KNDC1: variants seen among roughly 807,000 people sequenced by gnomAD.
The protein encoded by KNDC1 is kinase non-catalytic C-lobe domain containing 1.
In KNDC1, 106 loss-of-function variants were observed where a neutral mutation model predicts 172.8. The observed-to-expected ratio is 0.61, with a 90% CI of 0.52 to 0.72. The LOEUF (loss-of-function observed/expected upper bound fraction) is 0.72, where lower values mean the gene tolerates loss of function less well. Among genes scored for constraint, KNDC1 ranks in the 30% least tolerant of loss-of-function variants. The pLI is 0.00. For synonymous variants in KNDC1, 1,083 were observed against 1,062.2 expected, an observed-to-expected ratio of 1.02 and a Z score of -0.38; for missense variants, 2,325 against 2,394.5, an observed-to-expected ratio of 0.97 and a Z score of 0.61.
intron 6 of KNDC1, among the ~76,000 whole-genome samples, chr10:133,187,045 C>T (rs946892870): frequency 2.6e-5 from 4 of 152,236 alleles, no homozygotes; most frequent in African/African-American, 9.6e-5. Context: ...GCTCCGTGTC[C>T]CCAGTCCTGA....
At chr10:133,202,331 G>A (rs761301758) in intron 17 of KNDC1, 6 of 466,950 alleles carry the variant, frequency 1.3e-5, no homozygotes, top group Non-Finnish European at 1.7e-5. Context: ...GGGCCTGGTC[G>A]CTGCAGCCTG....
intron 17 of KNDC1, among the ~76,000 whole-genome samples, chr10:133,204,841 C>T (rs1246266783): frequency 2.0e-5 from 3 of 152,080 alleles, no homozygotes; most frequent in Non-Finnish European, 4.4e-5. Context: ...GCCCTGGGCA[C>T]GTGAACCCCT....
intron 16 of KNDC1, among the ~76,000 whole-genome samples, chr10:133,200,701 G>A (rs935968202): frequency 6.6e-6 from 1 of 152,114 alleles, no homozygotes; most frequent in Non-Finnish European, 1.5e-5. Context: ...CCCAGCCAAA[G>A]GCCGTCCTCT....
At chr10:133,174,637 T>C (rs2135957422) in intron 3 of KNDC1, among the ~76,000 whole-genome samples, 1 of 151,924 alleles carries the variant, frequency 6.6e-6, no homozygotes, top group African/African-American at 2.4e-5. Flanking sequence ...GGTGGGTGGA[T>C]GGGCAGGTGG....
intron 9 of KNDC1, among the ~76,000 whole-genome samples, chr10:133,195,044 A>G (rs1465098510): frequency 6.6e-6 from 1 of 151,988 alleles, no homozygotes; most frequent in African/African-American, 2.4e-5. Context: ...TGTCAGCAGC[A>G]CTCGTGTATT....
chr10:133,210,670 C>T lies in KNDC1; in HGVS notation c.3854C>T (p.Thr1285Ile), dbSNP rs1476785541. ...QFLYTFRYFCTPHDFLHFLLD... is the reference protein window; with the variant it reads ...QFLYTFRYFCIPHDFLHFLLD... The stretch of plus-strand genomic sequence containing the variant: ...CTCTACACCTTCCGCTACTTCTGCA[C>T]ACCCCACGACTTCCTGCACTTCCTC... The change falls in exon 21 of 30, where the codon ACA (threonine) becomes ATA (isoleucine). Residue 1285 changes from threonine to isoleucine, a missense_variant. Thr to Ile is a moderately conservative substitution (Grantham distance 89, BLOSUM62 -1). Transcript: ENST00000304613. 1 of 1,614,012 alleles carries T rather than the reference C, an allele frequency of 6.2e-7. No homozygotes were observed. Among genetic ancestry groups the T allele is most frequent in the Non-Finnish European group, 8.5e-7 (1 of 1,179,968 alleles).
intron 6 of KNDC1, among the ~76,000 whole-genome samples, chr10:133,187,963 A>G (rs1420459367): frequency 2.2e-5 from 2 of 91,640 alleles, no homozygotes; most frequent in African/African-American, 4.6e-5. Context: ...CTTCCCCTCC[A>G]TGAGCTCTGT....
intron 26 of KNDC1, among the ~76,000 whole-genome samples, chr10:133,217,912 TAA>T (rs1175036069): frequency 2.0e-5 from 3 of 151,936 alleles, no homozygotes; most frequent in African/African-American, 7.3e-5. Flanking sequence ...CTGTCTCCAC[TAA>T]AAATACAAAA....
chr10:133,188,650 C>G lies in KNDC1; in HGVS notation c.1438C>G (p.Pro480Ala), dbSNP rs1416910093. The change falls in exon 7 of 30, where the codon CCA (proline) becomes GCA (alanine). Residue 480 changes from proline (P) to alanine (A), a missense_variant. Coordinates refer to ENST00000304613, the MANE Select transcript of KNDC1 (RefSeq NM_152643.8). Reference protein sequence around the residue: ...LRALQTRPEHPAYLCLDSVLV... With the variant: ...LRALQTRPEHAAYLCLDSVLV... ...CGCACTGCAGACACGCCCTGAGCAC[C>G]CAGGTGACGCACGCACCATCCCATC... 6.4e-7 allele frequency: 1 copy of G among 1,572,184 alleles called. No individual in the cohort carries two copies. Among genetic ancestry groups the G allele is most frequent in the Admixed American group, 1.8e-5 (1 of 56,764 alleles).
chr10:133,165,110 C>T (rs1853106314), intron 1 of KNDC1, among the ~76,000 whole-genome samples: 1 of 152,172 alleles, frequency 6.6e-6, no homozygotes, highest in Non-Finnish European at 1.5e-5. Flanking sequence ...TGAGCGGAAG[C>T]CCACCCTCTG....
chr10:133,184,133 C>T (rs571327280), intron 5 of KNDC1, 144 bp downstream of exon 5: 1 of 489,748 alleles, frequency 2.0e-6, no homozygotes, highest in Non-Finnish European at 3.7e-6. Flanking sequence ...CATGCACACA[C>T]ATGCCACACA....
At chr10:133,185,207 AGTGTGGAGTAGGCAGTGTG>A (rs1853855252) in intron 5 of KNDC1, among the ~76,000 whole-genome samples, 1 of 150,762 alleles carries the variant, frequency 6.6e-6, no homozygotes. Flanking sequence ...CAGTGTGTGC[AGTGTGGAGTAGGCAGTGTG>A]TGCAGTGTGG....
chr10:133,216,992 C>A (rs1015755179), intron 26 of KNDC1, among the ~76,000 whole-genome samples: 4 of 152,188 alleles, frequency 2.6e-5, no homozygotes, highest in African/African-American at 9.7e-5. Context: ...TTCACGGAGA[C>A]AAAGTAGCAG....
intron 3 of KNDC1, 34 bp downstream of exon 3, chr10:133,168,346 C>G: frequency 6.3e-7 from 1 of 1,587,790 alleles, no homozygotes; most frequent in South Asian, 1.1e-5. Flanking sequence ...GCCACACCCC[C>G]CTTTTACCTC....
chr10:133,193,392 G>T (rs1033550566), intron 9 of KNDC1, among the ~76,000 whole-genome samples: 4 of 152,216 alleles, frequency 2.6e-5, no homozygotes, highest in African/African-American at 9.6e-5. Flanking sequence ...AGGCATGGTG[G>T]TGGGTGCCTG....
chr10:133,197,031 G>A (rs775478039), intron 10 of KNDC1, 27 bp from the exon 11 acceptor site: 5 of 1,593,606 alleles, frequency 3.1e-6, no homozygotes, highest in Non-Finnish European at 4.3e-6. Context: ...GGCCTGTCGG[G>A]ACGTGTGAAC....
intron 17 of KNDC1, chr10:133,202,625 C>T (rs1057033400): frequency 6.6e-6 from 3 of 456,486 alleles, no homozygotes; most frequent in African/African-American, 4.0e-5. Flanking sequence ...TGGGAAGCCT[C>T]CCCCAGCCTC....
chr10:133,166,582 A>G (rs1291505246), intron 1 of KNDC1, among the ~76,000 whole-genome samples: 3 of 152,018 alleles, frequency 2.0e-5, no homozygotes, highest in African/African-American at 2.4e-5. Flanking sequence ...GTGTGTGTGA[A>G]GCGGATGGAA....
Position 133,210,528 on chromosome 10 carries a change from A to T in KNDC1, c.3795-83A>T. 3 of 811,138 alleles carry T rather than the reference A, an allele frequency of 3.7e-6. No individual in the cohort carries two copies. The South Asian group carries it at 4.0e-5, about 11-fold the overall frequency. The allele number at this position is 811,138 out of a possible 1,614,324, so 50.2% of individuals were successfully genotyped here. ...TCAAAGAAAACGCACACACACATAC[A>T]GTCACACCCCACCACCGAACACTAG... is the stretch of plus-strand genomic sequence containing the variant. On this transcript the variant is annotated intron_variant, in intron 20 of 29. Transcript: ENST00000304613.
Sources: allele counts gnomAD v4.1 joint callset (sites outside exome capture counted in the v4.1 genomes callset), GRCh38; gene constraint gnomAD v4.1.1; transcripts MANE v1.5; gene names NCBI Gene and HGNC (gene_info 2026-07-23, HGNC 2026-07-21).